Variants in DOK6 observed in about 807,000 individuals in gnomAD.
DOK6 encodes the protein downstream of tyrosine kinase 6.
A neutral mutation model predicts 44.0 loss-of-function variants in DOK6; 22 were observed. The ratio of observed to expected loss-of-function variants is 0.50; its 90% CI spans 0.36 to 0.71. DOK6 has a LOEUF of 0.71. Ranked by LOEUF, DOK6 falls within the 30% of genes least tolerant of loss-of-function variation. DOK6 has a pLI of 0.00. For missense variants in DOK6, 340 were observed against 416.4 expected, an observed-to-expected ratio of 0.82 and a Z score of 1.60; for synonymous variants, 166 against 145.5, an observed-to-expected ratio of 1.14 and a Z score of -1.01.
intron 7 of DOK6, among the ~76,000 whole-genome samples, chr18:69,824,227 G>A (rs1260899106): frequency 2.3e-5 from 3 of 133,320 alleles, no homozygotes; most frequent in Non-Finnish European, 4.6e-5. Context: ...CCCGGTGTGT[G>A]ATGTTCCCCT....
chr18:69,802,515 C>T (rs906170887), intron 7 of DOK6, among the ~76,000 whole-genome samples: 5 of 152,046 alleles, frequency 3.3e-5, no homozygotes, highest in African/African-American at 7.2e-5. Flanking sequence ...CTCCAAATCT[C>T]GTATTGAAAT....
intron 4 of DOK6, among the ~76,000 whole-genome samples, chr18:69,686,465 G>C (rs1408597623): frequency 1.3e-5 from 2 of 151,924 alleles, no homozygotes; most frequent in African/African-American, 4.8e-5. Flanking sequence ...ATTCTATAAA[G>C]CTCCACATTT....
rs1365693622 is a variant in DOK6, at chr18:69,842,354, T to C, written c.*971T>C. The stretch of plus-strand genomic sequence containing the variant: ...CCTGTGGCCATCCATCTGAGCTACG[T>C]GAGGAGGATTCCATGTGAACGCCGA... On this transcript the variant is annotated 3_prime_UTR_variant, in exon 8 of 8. Transcript: ENST00000382713. The C allele has an allele frequency of 6.6e-6, 1 of 152,154 alleles. No individual in the cohort carries two copies. Among genetic ancestry groups the C allele is most frequent in the African/African-American group, 2.4e-5 (1 of 41,432 alleles). The allele number at this position is 152,154 out of a possible 1,614,324, so 9.4% of individuals were successfully genotyped here. A position where few individuals can be genotyped will look rare whatever the true frequency, so the allele number is the denominator to read the frequency against.
At position 69,842,557 on chromosome 18, in the gene DOK6, T is replaced by A. The variant is rs1464818349; in HGVS notation, c.*1174T>A. 6.6e-6 allele frequency: 1 copy of A among 152,242 alleles called. No homozygotes were observed. Among genetic ancestry groups the A allele is most frequent in the African/African-American group, 2.4e-5 (1 of 41,472 alleles). The allele number at this position is 152,242 out of a possible 1,614,324, so 9.4% of individuals were successfully genotyped here. On this transcript the variant is annotated 3_prime_UTR_variant, in exon 8 of 8. Transcript: ENST00000382713. ...ACACAACCACTGGGGGCTTGTAATT[T>A]ACTGTGTAACCAGAACTTGCAGGGC...
chr18:69,680,412 C>G (rs1256230107), intron 4 of DOK6, among the ~76,000 whole-genome samples: 3 of 152,344 alleles, frequency 2.0e-5, no homozygotes, highest in African/African-American at 7.2e-5. Flanking sequence ...CTGCACCCCC[C>G]TCTTTAAAGA....
At chr18:69,663,561 T>C (rs1330694625) in intron 3 of DOK6, 1 of 152,208 alleles carries the variant, frequency 6.6e-6, no homozygotes, top group Non-Finnish European at 1.5e-5. Flanking sequence ...AATAAACACA[T>C]TGGAGAACAC....
intron 2 of DOK6, among the ~76,000 whole-genome samples, chr18:69,565,708 G>C (rs554573169): frequency 6.6e-6 from 1 of 152,144 alleles, no homozygotes; most frequent in South Asian, 2.1e-4. Flanking sequence ...TTTACTGCCA[G>C]AGAATACAAC....
intron 1 of DOK6, among the ~76,000 whole-genome samples, chr18:69,527,726 G>C (rs1981870341): frequency 6.6e-6 from 1 of 152,140 alleles, no homozygotes; most frequent in Admixed American, 6.5e-5. Context: ...AGCCTACTTA[G>C]AAAAGGCAAA....
intron 5 of DOK6, among the ~76,000 whole-genome samples, chr18:69,707,460 C>CT (rs1187522972): frequency 2.6e-5 from 4 of 152,208 alleles, no homozygotes; most frequent in Admixed American, 2.0e-4. Context: ...AGCTTGCTTA[C>CT]TAGTTTCCTT....
intron 2 of DOK6, among the ~76,000 whole-genome samples, chr18:69,595,086 A>C (rs1460483477): frequency 1.3e-5 from 2 of 152,212 alleles, no homozygotes; most frequent in African/African-American, 4.8e-5. Context: ...GGAAAACTGC[A>C]AAACACTGAT....
chr18:69,701,892 C>T (rs1456922067), intron 5 of DOK6, among the ~76,000 whole-genome samples: 1 of 152,058 alleles, frequency 6.6e-6, no homozygotes, highest in Non-Finnish European at 1.5e-5. Flanking sequence ...ATTCCTAAAC[C>T]TTCGTTGGTC....
At chr18:69,684,814 C>T (rs901899779) in intron 4 of DOK6, among the ~76,000 whole-genome samples, 4 of 152,120 alleles carry the variant, frequency 2.6e-5, no homozygotes, top group African/African-American at 9.7e-5. Context: ...AAGTAAAGAG[C>T]CTCAATTTTC....
At chr18:69,684,082 AAAGTCTTG>A (rs1331285016) in intron 4 of DOK6, among the ~76,000 whole-genome samples, 7 of 152,224 alleles carry the variant, frequency 4.6e-5, no homozygotes, top group Non-Finnish European at 7.3e-5. Context: ...GATGAAACAC[AAAGTCTTG>A]AATGGACCGT....
chr18:69,696,092 T>G (rs1986384020), intron 4 of DOK6, among the ~76,000 whole-genome samples: 1 of 152,162 alleles, frequency 6.6e-6, no homozygotes, highest in Non-Finnish European at 1.5e-5. Flanking sequence ...GAGACAGAGA[T>G]AGAGATACAT....
intron 1 of DOK6, among the ~76,000 whole-genome samples, chr18:69,560,933 T>A (rs1248884354): frequency 4.7e-5 from 7 of 150,422 alleles, no homozygotes; most frequent in Non-Finnish European, 7.4e-5. Flanking sequence ...GCTTTCTATT[T>A]AAAAAATTAT....
At chr18:69,533,289 G>A (rs781701735) in intron 1 of DOK6, among the ~76,000 whole-genome samples, 6 of 152,048 alleles carry the variant, frequency 3.9e-5, no homozygotes, top group Non-Finnish European at 7.4e-5. Flanking sequence ...TTCAAAATTA[G>A]TTCTGACAAT....
intron 1 of DOK6, among the ~76,000 whole-genome samples, chr18:69,484,449 C>T (rs749798815): frequency 1.2e-4 from 18 of 152,102 alleles, no homozygotes; most frequent in Non-Finnish European, 2.2e-4. Context: ...TACTTTCAGA[C>T]GTTTTCGAGT....
intron 7 of DOK6, among the ~76,000 whole-genome samples, chr18:69,813,692 T>C (rs1981312003): frequency 6.6e-6 from 1 of 152,038 alleles, no homozygotes; most frequent in Admixed American, 6.6e-5. Context: ...AAAAGGATCA[T>C]GGTGTTTCAG....
intron 5 of DOK6, among the ~76,000 whole-genome samples, chr18:69,714,010 C>T (rs964067232): frequency 2.0e-5 from 3 of 152,136 alleles, no homozygotes; most frequent in African/African-American, 7.2e-5. Flanking sequence ...ATTTCTGTCT[C>T]GAGTACCACT....
Sources: gnomAD v4.1 joint callset for allele counts (sites outside exome capture counted in the v4.1 genomes callset) on GRCh38, gnomAD v4.1.1 for gene constraint, MANE v1.5 for transcripts, NCBI Gene and HGNC (gene_info 2026-07-23, HGNC 2026-07-21) for gene names.